Variants in NKAIN3 observed in about 807,000 individuals in gnomAD.
NKAIN3 encodes the protein sodium/potassium-transporting ATPase subunit beta-1-interacting protein 3.
In NKAIN3, 25 loss-of-function variants were observed where a neutral mutation model predicts 30.2. The ratio of observed to expected loss-of-function variants is 0.83; its 90% CI spans 0.60 to 1.16. The LOEUF is 1.16. Among genes scored for constraint, NKAIN3 ranks in the 50% most tolerant of loss-of-function variants. The pLI is 0.00. For synonymous variants in NKAIN3, 91 were observed against 89.6 expected, an observed-to-expected ratio of 1.02 and a Z score of -0.09; for missense variants, 225 against 254.1, an observed-to-expected ratio of 0.89 and a Z score of 0.78.
intron 1 of NKAIN3, among the ~76,000 whole-genome samples, chr8:62,372,352 T>C (rs970217888): frequency 6.6e-6 from 1 of 151,984 alleles, no homozygotes; most frequent in Non-Finnish European, 1.5e-5. Flanking sequence ...TGCAACTTGT[T>C]TTCTCTTAAT....
At chr8:62,664,437 G>T (rs1813036300) in intron 3 of NKAIN3, among the ~76,000 whole-genome samples, 1 of 152,112 alleles carries the variant, frequency 6.6e-6, no homozygotes, top group African/African-American at 2.4e-5. Flanking sequence ...CCCTTGTCAA[G>T]ATCTCCTCAA....
At chr8:62,417,226 T>C (rs969741615) in intron 1 of NKAIN3, among the ~76,000 whole-genome samples, 5 of 152,132 alleles carry the variant, frequency 3.3e-5, no homozygotes, top group African/African-American at 4.8e-5. Flanking sequence ...ATGCAATGTT[T>C]TTCTTTCTGT....
intron 3 of NKAIN3, among the ~76,000 whole-genome samples, chr8:62,623,188 G>A (rs530067708): frequency 2.6e-5 from 4 of 152,156 alleles, no homozygotes; most frequent in Admixed American, 6.6e-5. Flanking sequence ...TTCTCCAAAG[G>A]TCTAGCTTAG....
intron 1 of NKAIN3, among the ~76,000 whole-genome samples, chr8:62,436,484 G>T (rs1263374136): frequency 6.6e-6 from 1 of 152,036 alleles, no homozygotes; most frequent in African/African-American, 2.4e-5. Context: ...TTTCTTGTCA[G>T]TTTAAGTGGT....
intron 4 of NKAIN3, among the ~76,000 whole-genome samples, chr8:62,898,806 G>A (rs1270700059): frequency 7.1e-6 from 1 of 141,462 alleles, no homozygotes; most frequent in Non-Finnish European, 1.5e-5. Flanking sequence ...GTACAGAATG[G>A]GAGAAAACAT....
chr8:62,702,706 A>C (rs1814378459), intron 3 of NKAIN3, among the ~76,000 whole-genome samples: 1 of 152,190 alleles, frequency 6.6e-6, no homozygotes, highest in African/African-American at 2.4e-5. Flanking sequence ...TCACAGATCT[A>C]TTTTTGAAAA....
chr8:62,746,789 G>A, intron 3 of NKAIN3, 143 bp from the exon 4 acceptor site: 1 of 585,404 alleles, frequency 1.7e-6, no homozygotes. Context: ...CAGCCACTTG[G>A]GGCTTTGTCT....
In NKAIN3 at chr8:62,729,052, A is replaced by C. The variant is rs1461086026; in HGVS notation, c.274-17880A>C. 1.2e-4 allele frequency among the ~76,000 whole-genome samples: 17 copies of C among 138,492 alleles called. No homozygotes were observed. The South Asian group carries it at 2.1e-3, about 17-fold the overall frequency. 90.9% of individuals were successfully genotyped at this position (138,492 alleles called of 152,430 possible). On this transcript the variant is annotated intron_variant, in intron 3 of 6. Coordinates refer to ENST00000623646, the MANE Select transcript of NKAIN3 (RefSeq NM_001304533.3). ...AAAAAAAAAAAAACAAAAAAAAAAAACCTCCTGCTCTGCAAAAGACATTGG... is the reference window on the plus strand; with the variant it reads ...AAAAAAAAAAAAACAAAAAAAAAAACCCTCCTGCTCTGCAAAAGACATTGG...
intron 4 of NKAIN3, among the ~76,000 whole-genome samples, chr8:62,891,377 C>T (rs1821291667): frequency 1.3e-5 from 2 of 152,198 alleles, no homozygotes; most frequent in African/African-American, 4.8e-5. Context: ...GACACTCTGG[C>T]CTTTGGCCAC....
At chr8:62,988,856 A>G (rs559523245), downstream of NKAIN3, among the ~76,000 whole-genome samples, 2 of 152,314 alleles carry the variant, frequency 1.3e-5, no homozygotes, top group South Asian at 4.1e-4. Flanking sequence ...CTATCACATC[A>G]TCAGGCTGCA....
In NKAIN3 at chr8:62,544,404, A is replaced by T. The variant is rs374674521; in HGVS notation, c.55-35135A>T. Reference sequence around the variant, plus strand: ...ATAATTTTTGTGATTGCAATAATACATGTTTACTATAGAAAATTTGAAAAA... The same window carrying T: ...ATAATTTTTGTGATTGCAATAATACTTGTTTACTATAGAAAATTTGAAAAA... On this transcript the variant is annotated intron_variant, in intron 1 of 6. Coordinates refer to ENST00000623646, the MANE Select transcript of NKAIN3 (RefSeq NM_001304533.3). Among the ~76,000 whole-genome samples, 27 of 152,314 alleles carry T rather than the reference A, an allele frequency of 1.8e-4. No homozygotes were observed. The East Asian group carries it at 3.9e-3, about 22-fold the overall frequency.
chr8:62,454,339 A>G (rs183625681), intron 1 of NKAIN3, among the ~76,000 whole-genome samples: 80 of 150,890 alleles, frequency 5.3e-4, no homozygotes, highest in Admixed American at 3.0e-3. Context: ...AAATCTCATA[A>G]TGTTTTAAGA....
intron 1 of NKAIN3, among the ~76,000 whole-genome samples, chr8:62,463,060 T>C (rs1377009024): frequency 6.6e-6 from 1 of 152,220 alleles, no homozygotes; most frequent in Non-Finnish European, 1.5e-5. Context: ...TCTCATCTTC[T>C]ATCTTTATGA....
In NKAIN3 at chr8:62,490,180, G is replaced by A. The variant is rs147750012; in HGVS notation, c.55-89359G>A. ...TTCTGTAGAGGTTTTCTGTAGATGC[G>A]ATTAAAGTTCATAACCAGTTGACTT... On this transcript the variant is annotated intron_variant, in intron 1 of 6. Coordinates refer to ENST00000623646, the MANE Select transcript of NKAIN3 (RefSeq NM_001304533.3). Among the ~76,000 whole-genome samples the A allele has an allele frequency of 8.3e-3, 1,263 of 152,244 alleles. 14 individuals are homozygous for A. Among genetic ancestry groups the A allele is most frequent in the African/African-American group, 0.027 (1,125 of 41,562 alleles).
At chr8:62,763,240 A>C in intron 4 of NKAIN3, among the ~76,000 whole-genome samples, 1 of 93,328 alleles carries the variant, frequency 1.1e-5, no homozygotes, top group Non-Finnish European at 2.0e-5. Context: ...AAAAAAAAAA[A>C]AAAAAAAAAA....
At chr8:62,590,279 T>C (rs1158939115) in intron 3 of NKAIN3, among the ~76,000 whole-genome samples, 1 of 151,884 alleles carries the variant, frequency 6.6e-6, no homozygotes, top group African/African-American at 2.4e-5. Context: ...AAATGTTTAC[T>C]AAGAAGTAAA....
intron 4 of NKAIN3, among the ~76,000 whole-genome samples, chr8:62,754,885 A>T (rs1296980278): frequency 1.3e-5 from 2 of 152,226 alleles, no homozygotes; most frequent in African/African-American, 4.8e-5. Flanking sequence ...TGCTTCAGTA[A>T]CATGCTCACA....
intron 4 of NKAIN3, among the ~76,000 whole-genome samples, chr8:62,800,101 A>G (rs908113586): frequency 2.6e-5 from 4 of 152,302 alleles, no homozygotes; most frequent in Non-Finnish European, 5.9e-5. Context: ...GGTACAGTGT[A>G]TACTGTTTGG....
chr8:62,393,891 T>C (rs1447640802), intron 1 of NKAIN3, among the ~76,000 whole-genome samples: 4 of 152,140 alleles, frequency 2.6e-5, no homozygotes, highest in Admixed American at 2.0e-4. Flanking sequence ...TATTGTCAGG[T>C]TGTTTATTTC....
Sources: gnomAD v4.1 joint callset for allele counts (sites outside exome capture counted in the v4.1 genomes callset) on GRCh38, gnomAD v4.1.1 for gene constraint, MANE v1.5 for transcripts, NCBI Gene and HGNC (gene_info 2026-07-23, HGNC 2026-07-21) for gene names.